SPATS2L: variants seen among roughly 807,000 people sequenced by gnomAD.
SPATS2L encodes the protein SPATS2-like protein.
SPATS2L carries 30 observed loss-of-function variants against 59.6 expected under a neutral mutation model. The observed-to-expected ratio is 0.50, with a 90% CI of 0.38 to 0.68. The LOEUF is 0.68. Among genes scored for constraint, SPATS2L ranks in the 30% least tolerant of loss-of-function variants. SPATS2L has a pLI of 0.00. For missense variants in SPATS2L, 615 were observed against 700.0 expected (o/e 0.88, Z 1.37); for synonymous variants, 252 against 263.5 (o/e 0.96, Z 0.42).
At chr2:200,390,832 C>T (rs2082149339) in intron 3 of SPATS2L, 1 of 150,578 alleles carries the variant, frequency 6.6e-6, no homozygotes, top group Admixed American at 6.6e-5. Flanking sequence ...CCGTTTCCTC[C>T]AGTCATGAAT....
chr2:200,442,095 C>G (rs922434899), intron 8 of SPATS2L, among the ~76,000 whole-genome samples: 15 of 152,124 alleles, frequency 9.9e-5, no homozygotes, highest in Admixed American at 6.6e-5. Flanking sequence ...CTACCTCCCC[C>G]CAACCCCAGT....
intron 2 of SPATS2L, among the ~76,000 whole-genome samples, chr2:200,339,207 A>G (rs1399302437): frequency 1.3e-5 from 2 of 152,184 alleles, no homozygotes; most frequent in Non-Finnish European, 2.9e-5. Context: ...ATAACAGTTC[A>G]TTTTAACTCA....
At chr2:200,466,985 ACAAATTT>A (rs1236978572) in intron 9 of SPATS2L, among the ~76,000 whole-genome samples, 2 of 152,204 alleles carry the variant, frequency 1.3e-5, no homozygotes, top group African/African-American at 4.8e-5. Flanking sequence ...GTTCGGAGTA[ACAAATTT>A]CAAAAGTCTA....
At chr2:200,305,987 C>T, upstream of SPATS2L, 1 of 968,444 alleles carries the variant, frequency 1.0e-6, no homozygotes. Flanking sequence ...TACTCCCAGG[C>T]AGAAACCCAC....
intron 2 of SPATS2L, among the ~76,000 whole-genome samples, chr2:200,383,451 G>GCACATTTCACTTTAGACTAGC (rs1207594620): frequency 1.3e-5 from 2 of 152,068 alleles, no homozygotes; most frequent in Non-Finnish European, 2.9e-5. Flanking sequence ...AACCCTTCCA[G>GCACATTTCACTTTAGACTAGC]CACATTTCAC....
chr2:200,402,796 TA>T (rs2082569485), intron 3 of SPATS2L, among the ~76,000 whole-genome samples: 1 of 152,242 alleles, frequency 6.6e-6, no homozygotes, highest in African/African-American at 2.4e-5. Context: ...GGTAATACTC[TA>T]GCCTCTGTAC....
chr2:200,360,617 G>T (rs2081064142), intron 2 of SPATS2L, among the ~76,000 whole-genome samples: 1 of 152,184 alleles, frequency 6.6e-6, no homozygotes, highest in Non-Finnish European at 1.5e-5. Flanking sequence ...TAGGAGATAA[G>T]CCGCTCCTCC....
At chr2:200,475,298 G>A (rs758690248) in intron 12 of SPATS2L, among the ~76,000 whole-genome samples, 5 of 152,200 alleles carry the variant, frequency 3.3e-5, no homozygotes, top group Non-Finnish European at 5.9e-5. Flanking sequence ...ACGTGCACCC[G>A]TGACACAGCC....
chr2:200,415,426 T>C (rs2083022034), intron 4 of SPATS2L, among the ~76,000 whole-genome samples: 1 of 152,158 alleles, frequency 6.6e-6, no homozygotes, highest in Non-Finnish European at 1.5e-5. Flanking sequence ...GCTATTAGTA[T>C]ATTTAGATTG....
In SPATS2L at chr2:200,472,845, G is replaced by A. The variant is rs776151687; in HGVS notation, c.1074G>A (p.Lys358=). The part of the protein sequence containing the change: ...IMLCGEITHP[K]NNYSSRTPCS... ...TTATTATTGCAGTTACACATCCAAA[G>A]AACAACTATTCCTCAAGAACTCCCT... The change falls in exon 12 of 13, where the codon AAG becomes AAA. Residue 358 remains lysine, a synonymous_variant. Coordinates refer to ENST00000409140, the MANE Select transcript of SPATS2L (RefSeq NM_001100423.2). 1 of 1,613,914 alleles carries A rather than the reference G, an allele frequency of 6.2e-7. No homozygotes were observed. Among genetic ancestry groups the A allele is most frequent in the Non-Finnish European group, 8.5e-7 (1 of 1,179,864 alleles).
At chr2:200,441,887 T>C (rs894758714) in intron 8 of SPATS2L, among the ~76,000 whole-genome samples, 8 of 152,190 alleles carry the variant, frequency 5.3e-5, no homozygotes, top group Non-Finnish European at 1.5e-5. Context: ...TGCTTTGACA[T>C]TGATGTGCTT....
intron 9 of SPATS2L, among the ~76,000 whole-genome samples, chr2:200,462,248 AT>A (rs1201536323): frequency 6.6e-6 from 1 of 152,104 alleles, no homozygotes; most frequent in Admixed American, 6.6e-5. Flanking sequence ...TCATGTACTT[AT>A]TTTTCCTTCT....
At chr2:200,374,338 T>C (rs2081529965) in intron 2 of SPATS2L, among the ~76,000 whole-genome samples, 1 of 152,218 alleles carries the variant, frequency 6.6e-6, no homozygotes, top group African/African-American at 2.4e-5. Context: ...TTGCCAGTAT[T>C]GCCTCAAAGT....
At chr2:200,335,201 T>C (rs2080101366) in intron 2 of SPATS2L, among the ~76,000 whole-genome samples, 1 of 152,028 alleles carries the variant, frequency 6.6e-6, no homozygotes, top group Non-Finnish European at 1.5e-5. Flanking sequence ...AAGGTGTGTA[T>C]ATTCAAGTGG....
intron 2 of SPATS2L, among the ~76,000 whole-genome samples, chr2:200,355,928 GATT>G (rs2105856423): frequency 6.6e-6 from 1 of 152,318 alleles, no homozygotes; most frequent in East Asian, 1.9e-4. Flanking sequence ...TAGAGATTAA[GATT>G]ATCGTGTGTA....
chr2:200,442,047 A>G (rs2084736705), intron 8 of SPATS2L, among the ~76,000 whole-genome samples: 1 of 152,162 alleles, frequency 6.6e-6, no homozygotes, highest in African/African-American at 2.4e-5. Context: ...TTCAGTTATC[A>G]TTCAGCCTCT....
chr2:200,407,326 C>T (rs889895638), intron 3 of SPATS2L, among the ~76,000 whole-genome samples: 14 of 152,180 alleles, frequency 9.2e-5, no homozygotes, highest in African/African-American at 3.1e-4. Context: ...CTAACTCCAG[C>T]GCTCCTTCCA....
At chr2:200,445,618 G>A (rs1461492774) in intron 8 of SPATS2L, among the ~76,000 whole-genome samples, 1 of 152,222 alleles carries the variant, frequency 6.6e-6, no homozygotes, top group Non-Finnish European at 1.5e-5. Flanking sequence ...GTAACTGTAT[G>A]TCCCATATTC....
At position 200,306,826 on chromosome 2, in the gene SPATS2L, C is replaced by T. The variant is rs1298512848; in HGVS notation, c.-169C>T. 6.1e-5 allele frequency: 60 copies of T among 980,744 alleles called. No homozygotes were observed. Among genetic ancestry groups the T allele is most frequent in the Non-Finnish European group, 7.2e-5 (60 of 828,136 alleles). The allele number at this position is 980,744 out of a possible 1,614,324, so 60.8% of individuals were successfully genotyped here. ...GCTCCCGCTCGGCCCGCCCTCCGAG[C>T]CGCAGGGGCCGCCACCGCCGCGGCG... On this transcript the variant is annotated 5_prime_UTR_variant, in exon 1 of 13. Transcript: ENST00000409140.
Sources: gnomAD v4.1 joint callset for allele counts (sites outside exome capture counted in the v4.1 genomes callset) on GRCh38, gnomAD v4.1.1 for gene constraint, MANE v1.5 for transcripts, NCBI Gene and HGNC (gene_info 2026-07-23, HGNC 2026-07-21) for gene names.